The following CEP128 variants were observed in gnomAD, a reference collection of about 807,000 sequenced individuals.
The protein encoded by CEP128 is centrosomal protein 128kDa.
In CEP128, 132 loss-of-function variants were observed where a neutral mutation model predicts 156.7. The observed-to-expected ratio is 0.84, with a 90% CI of 0.73 to 0.97. The LOEUF (loss-of-function observed/expected upper bound fraction) is 0.97. CEP128 is among the 50% of genes least tolerant of loss of function. The probability of loss-of-function intolerance (pLI) is 0.00; values close to 1 mark genes in which losing one functional copy is unlikely to be tolerated. For synonymous variants in CEP128, 469 were observed against 448.9 expected, an observed-to-expected ratio of 1.04 and a Z score of -0.57; for missense variants, 1,252 against 1,281.9, an observed-to-expected ratio of 0.98 and a Z score of 0.36.
intron 19 of CEP128, among the ~76,000 whole-genome samples, chr14:80,623,046 C>T (rs1194105649): frequency 1.3e-5 from 2 of 152,146 alleles, no homozygotes; most frequent in African/African-American, 4.8e-5. Context: ...ATAGCAAAGA[C>T]TTGGAACCAA....
chr14:80,583,541 A>G (rs1214413906), intron 19 of CEP128, among the ~76,000 whole-genome samples: 1 of 152,170 alleles, frequency 6.6e-6, no homozygotes, highest in East Asian at 1.9e-4. Context: ...GATTAATGTG[A>G]ATGCCAGGAA....
intron 2 of CEP128, among the ~76,000 whole-genome samples, chr14:80,931,552 A>G (rs1048875492): frequency 1.3e-5 from 2 of 152,232 alleles, no homozygotes; most frequent in Non-Finnish European, 2.9e-5. Context: ...ATTTTGAGTT[A>G]CAACAGCTGC....
intron 8 of CEP128, among the ~76,000 whole-genome samples, chr14:80,886,905 C>T (rs1416660834): frequency 6.6e-6 from 1 of 152,146 alleles, no homozygotes; most frequent in South Asian, 2.1e-4. Flanking sequence ...CAAAGACACA[C>T]ATAGGCTCAA....
chr14:80,953,729 T>C (rs1886521984), intron 2 of CEP128, among the ~76,000 whole-genome samples: 1 of 152,154 alleles, frequency 6.6e-6, no homozygotes, highest in Non-Finnish European at 1.5e-5. Flanking sequence ...ACGAACAAGA[T>C]TTAAAACAGT....
In CEP128 at chr14:80,701,159, C is replaced by T. The variant is rs151184146; in HGVS notation, c.2806+41916G>A. On this transcript the variant is annotated intron_variant, in intron 19 of 24. Transcript: ENST00000555265. ...TCTCAGGCTGCTCCTGATGACAAAGCCCTATCACCTTGGCAGGAAGGAAGA... is the reference window on the plus strand; with the variant it reads ...TCTCAGGCTGCTCCTGATGACAAAGTCCTATCACCTTGGCAGGAAGGAAGA... Among the ~76,000 whole-genome samples the T allele has an allele frequency of 2.5e-3, 375 of 152,224 alleles. 3 individuals are homozygous for T. The highest frequency in any genetic ancestry group is 8.0e-3 in the African/African-American group (334 of 41,550).
chr14:80,746,546 A>T (rs1261091187), intron 18 of CEP128, among the ~76,000 whole-genome samples: 1 of 152,196 alleles, frequency 6.6e-6, no homozygotes, highest in African/African-American at 2.4e-5. Context: ...ATACAAAAGA[A>T]TTCATTTATA....
chr14:80,832,107 A>G (rs1885835142), intron 12 of CEP128, among the ~76,000 whole-genome samples: 1 of 152,168 alleles, frequency 6.6e-6, no homozygotes, highest in Non-Finnish European at 1.5e-5. Flanking sequence ...CACAAGCTCT[A>G]TTCCCTGCCA....
intron 13 of CEP128, among the ~76,000 whole-genome samples, chr14:80,810,888 C>T (rs1416944639): frequency 6.6e-6 from 1 of 152,100 alleles, no homozygotes; most frequent in Admixed American, 6.6e-5. Flanking sequence ...CAACCCATCA[C>T]CTAGGTATTA....
At chr14:80,479,667 C>T (rs1887013565) in intron 14 of CEP128, among the ~76,000 whole-genome samples, 1 of 152,088 alleles carries the variant, frequency 6.6e-6, no homozygotes, top group Middle Eastern at 3.2e-3. Flanking sequence ...TATCATTCTG[C>T]CCCTGGTCCC....
At chr14:80,511,824 TTC>T (rs1888272788) in intron 23 of CEP128, among the ~76,000 whole-genome samples, 2 of 152,086 alleles carry the variant, frequency 1.3e-5, no homozygotes, top group Admixed American at 1.3e-4. Flanking sequence ...ATTTTTAAAT[TTC>T]TCTTAGTTTC....
At chr14:80,527,133 TAGAG>T (rs945957050) in intron 22 of CEP128, 151 bp from the exon 23 acceptor site, 27 of 556,494 alleles carry the variant, frequency 4.9e-5, no homozygotes, top group Non-Finnish European at 7.6e-5. Context: ...CAGGCCACCA[TAGAG>T]AAAGAAGAAG....
At chr14:80,579,104 A>C (rs1891480250) in intron 20 of CEP128, among the ~76,000 whole-genome samples, 1 of 152,210 alleles carries the variant, frequency 6.6e-6, no homozygotes, top group Admixed American at 6.5e-5. Context: ...CTGCCATTTC[A>C]AAAGGCCAGA....
At chr14:80,570,184 C>G (rs1049356448) in intron 20 of CEP128, among the ~76,000 whole-genome samples, 1 of 152,174 alleles carries the variant, frequency 6.6e-6, no homozygotes, top group African/African-American at 2.4e-5. Flanking sequence ...GTGGCACAAT[C>G]TTGGCTCACT....
intron 20 of CEP128, among the ~76,000 whole-genome samples, chr14:80,570,981 T>C (rs1891116815): frequency 6.6e-6 from 1 of 152,218 alleles, no homozygotes; most frequent in Non-Finnish European, 1.5e-5. Flanking sequence ...ATAAAGGGGC[T>C]ATTATATTGT....
At chr14:80,838,166 A>T in intron 11 of CEP128, 38 bp downstream of exon 11, 1 of 1,377,274 alleles carries the variant, frequency 7.3e-7, no homozygotes, top group Non-Finnish European at 1.0e-6. Flanking sequence ...ATCCTGATTT[A>T]ATGTAAAAGT....
intron 19 of CEP128, among the ~76,000 whole-genome samples, chr14:80,742,568 T>G (rs1263665748): frequency 1.3e-5 from 2 of 152,220 alleles, no homozygotes; most frequent in Non-Finnish European, 2.9e-5. Flanking sequence ...CTTACTCTAC[T>G]GTTTCCACCA....
chr14:80,619,995 G>A (rs185685537), intron 19 of CEP128, among the ~76,000 whole-genome samples: 12 of 152,044 alleles, frequency 7.9e-5, no homozygotes, highest in Admixed American at 3.3e-4. Context: ...CATGGTGGTG[G>A]GCGCCTGTAA....
chr14:80,670,346 G>A (rs914064192), intron 19 of CEP128, among the ~76,000 whole-genome samples: 1 of 152,184 alleles, frequency 6.6e-6, no homozygotes, highest in Non-Finnish European at 1.5e-5. Context: ...ATCAATGGAT[G>A]ATTGAATAAA....
At chr14:80,723,114 C>T (rs1897889475) in intron 19 of CEP128, among the ~76,000 whole-genome samples, 1 of 152,072 alleles carries the variant, frequency 6.6e-6, no homozygotes, top group Non-Finnish European at 1.5e-5. Flanking sequence ...CCATGAGCCA[C>T]CGCACCCGGC....
Sources: allele counts gnomAD v4.1 joint callset (sites outside exome capture counted in the v4.1 genomes callset), GRCh38; gene constraint gnomAD v4.1.1; transcripts MANE v1.5; gene names NCBI Gene and HGNC (gene_info 2026-07-23, HGNC 2026-07-21).